TRIP6: variants seen among roughly 807,000 people sequenced by gnomAD.
The protein encoded by TRIP6 is thyroid hormone receptor interactor 6, also known as thyroid receptor-interacting protein 6.
TRIP6 carries 33 observed loss-of-function variants against 51.9 expected under a neutral mutation model. The observed-to-expected ratio is 0.64, with a 90% CI of 0.48 to 0.85. The LOEUF (loss-of-function observed/expected upper bound fraction) is 0.85, where lower values mean the gene tolerates loss of function less well. TRIP6 is among the 40% of genes least tolerant of loss of function. The probability of loss-of-function intolerance (pLI) is 0.00; values close to 1 mark genes in which losing one functional copy is unlikely to be tolerated. For synonymous variants in TRIP6, 255 were observed against 275.8 expected (o/e 0.92, Z 0.75); for missense variants, 661 against 652.1 (o/e 1.01, Z -0.15).
chr7:100,872,900 G>C (rs1815303332), intron 8 of TRIP6, 156 bp downstream of exon 8: 2 of 1,278,934 alleles, frequency 1.6e-6, no homozygotes, highest in East Asian at 5.3e-5. Flanking sequence ...GCCCAGGCTG[G>C]AGTGCAGTGG....
Position 100,868,481 on chromosome 7 carries a change from G to C in TRIP6, c.364-14G>C. The C allele has an allele frequency of 6.2e-7, 1 of 1,613,034 alleles. No homozygotes were observed. The highest frequency in any genetic ancestry group is 8.5e-7 in the Non-Finnish European group (1 of 1,180,002). On this transcript the variant is annotated splice_polypyrimidine_tract_variant and intron_variant, in intron 3 of 8. Transcript: ENST00000200457. ...GGTCCTTGCTTACGACTTCTGGCCT[G>C]CGTTTCTCCTCAGGCATATGAGCCC... is the stretch of plus-strand genomic sequence containing the variant.
At position 100,870,562 on chromosome 7, in the gene TRIP6, C is replaced by T. The variant is rs762712466; in HGVS notation, c.830-12C>T. The T allele has an allele frequency of 1.9e-5, 30 of 1,611,938 alleles. No individual in the cohort carries two copies. In the South Asian group the frequency reaches 2.4e-4, roughly 13 times the overall value. ...GTCTGTGAAGACTGATGCTGTTTCTCCCTGTCCTCAGGCCAGTGTGGTGGC... is the reference window on the plus strand; with the variant it reads ...GTCTGTGAAGACTGATGCTGTTTCTTCCTGTCCTCAGGCCAGTGTGGTGGC... On this transcript the variant is annotated splice_polypyrimidine_tract_variant and intron_variant, in intron 5 of 8. Coordinates refer to ENST00000200457, the MANE Select transcript of TRIP6 (RefSeq NM_003302.3).
Position 100,872,590 on chromosome 7 carries a change from G to T in TRIP6, c.1179-34G>T, listed in dbSNP as rs182822266. On this transcript the variant is annotated intron_variant, in intron 7 of 8. Transcript: ENST00000200457. ...ATTGTTGGTGCCCTGCAACCCCAAG[G>T]CTTGATGGCCTTCTTGGTTCTCTTC... The T allele has an allele frequency of 1.2e-5, 19 of 1,612,964 alleles. No homozygotes were observed. In the African/African-American group the frequency reaches 2.4e-4, roughly 20 times the overall value.
At position 100,871,540 on chromosome 7, in the gene TRIP6, C is replaced by T. The variant is rs1437906402; in HGVS notation, c.1000-3C>T. The T allele has an allele frequency of 1.2e-6, 2 of 1,612,160 alleles. No homozygotes were observed. The highest frequency in any genetic ancestry group is 3.3e-5 in the Admixed American group (2 of 59,978). On this transcript the variant is annotated splice_polypyrimidine_tract_variant and splice_region_variant and intron_variant, in intron 6 of 8. Coordinates refer to ENST00000200457, the MANE Select transcript of TRIP6 (RefSeq NM_003302.3). Reference sequence around the variant, plus strand: ...CAGATCTTCCTGCCTTCCTTCCCAACAGGCCACCCTGGAGAAATGTGCCAC... The same window carrying T: ...CAGATCTTCCTGCCTTCCTTCCCAATAGGCCACCCTGGAGAAATGTGCCAC...
chr7:100,870,783 A>T (rs751955583), intron 6 of TRIP6, 40 bp downstream of exon 6: 1 of 1,583,088 alleles, frequency 6.3e-7, no homozygotes. Context: ...CAGTGGCTGG[A>T]TGCAGGGGGC....
rs1424911709 is a variant in TRIP6 at position 100,867,415 on chromosome 7, A to G, written c.-83A>G. The stretch of plus-strand genomic sequence containing the variant: ...AAAAGTTTTCTTTTCTGGAGTCCCA[A>G]ACGAGGTGCGGGACGGAAGAGGGGG... On this transcript the variant is annotated 5_prime_UTR_variant, in exon 1 of 9. Transcript: ENST00000200457. The surrounding 1 kb of genome is among the most constrained non-coding windows in gnomAD (Gnocchi z 5.4). 9.4e-7 allele frequency: 1 copy of G among 1,068,606 alleles called. No homozygotes were observed. The highest frequency in any genetic ancestry group is 1.8e-5 in the South Asian group (1 of 54,188). The allele number at this position is 1,068,606 out of a possible 1,614,324, so 66.2% of individuals were successfully genotyped here. A position where few individuals can be genotyped will look rare whatever the true frequency, so the allele number is the denominator to read the frequency against.
In TRIP6 at chr7:100,873,195, T is replaced by C. The variant is rs369610600; in HGVS notation, c.1323T>C (p.Ser441=). 6 of 1,613,394 alleles carry C rather than the reference T, an allele frequency of 3.7e-6. No homozygotes were observed. Among genetic ancestry groups the C allele is most frequent in the Non-Finnish European group, 4.2e-6 (5 of 1,179,672 alleles). ...AGGAGTGTGGGCTGCTGCTCTCCTCTGAGGGCGAGTGTCAGGGCTGCTACC... is the reference window on the plus strand; with the variant it reads ...AGGAGTGTGGGCTGCTGCTCTCCTCCGAGGGCGAGTGTCAGGGCTGCTACC... ...KCEECGLLLS[S]EGECQGCYPL... The change falls in exon 9 of 9, where the codon TCT becomes TCC. Residue 441 remains serine, a synonymous_variant. Transcript: ENST00000200457.
chr7:100,872,516 A>G (rs950797360), intron 7 of TRIP6, 108 bp from the exon 8 acceptor site: 31 of 1,513,416 alleles, frequency 2.0e-5, no homozygotes, highest in African/African-American at 4.2e-5. Flanking sequence ...CTAAGGCCAT[A>G]CCTCTGGCCT....
chr7:100,871,310 C>T (rs1815263362), intron 6 of TRIP6: 7 of 587,778 alleles, frequency 1.2e-5, no homozygotes, highest in South Asian at 5.9e-5. Context: ...GCTGGCATTA[C>T]AGGCGTGAGC....
chr7:100,873,185 T>A lies in TRIP6; in HGVS notation c.1313T>A (p.Leu438Gln). 2 of 1,612,438 alleles carry A rather than the reference T, an allele frequency of 1.2e-6. No individual in the cohort carries two copies. The highest frequency in any genetic ancestry group is 1.7e-6 in the Non-Finnish European group (2 of 1,179,052). Residue 438 changes from leucine to glutamine, a missense_variant, in exon 9 of 9, where the codon CTG (leucine) becomes CAG (glutamine). Coordinates refer to ENST00000200457, the MANE Select transcript of TRIP6 (RefSeq NM_003302.3). The stretch of plus-strand genomic sequence containing the variant: ...CTTTTTCAACAGGAGTGTGGGCTGC[T>A]GCTCTCCTCTGAGGGCGAGTGTCAG... Reference protein sequence around the residue: ...GCYKCEECGLLLSSEGECQGC... With the variant: ...GCYKCEECGLQLSSEGECQGC...
At position 100,870,740 on chromosome 7, in the gene TRIP6, C is replaced by T. The variant is rs769725224; in HGVS notation, c.996C>T (p.Tyr332=). 30 of 1,610,242 alleles carry T rather than the reference C, an allele frequency of 1.9e-5. No individual in the cohort carries two copies. Among genetic ancestry groups the T allele is most frequent in the African/African-American group, 1.5e-4 (11 of 74,830 alleles). Residue 332 remains tyrosine, a synonymous_variant, in exon 6 of 9, where the codon TAC becomes TAT. Coordinates refer to ENST00000200457, the MANE Select transcript of TRIP6 (RefSeq NM_003302.3). ...GGAGGGCATATTGCGAGGGCTGCTA[C>T]GTGGTGAGTGGCTGGGGCTGGGAGG... ...VERRAYCEGC[Y]VATLEKCATC... is the part of the protein sequence containing the mutation.
At chr7:100,870,776 T>C (rs7783543) in intron 6 of TRIP6, 33 bp downstream of exon 6, 843,084 of 1,589,808 alleles carry the variant, frequency 0.53, 227,577 homozygotes, top group East Asian at 0.82. Flanking sequence ...AGGGAGTCAG[T>C]GGCTGGATGC....
chr7:100,872,302 G>T (rs150723390), intron 7 of TRIP6, among the ~76,000 whole-genome samples: 2 of 151,770 alleles, frequency 1.3e-5, no homozygotes, highest in Non-Finnish European at 2.9e-5. Context: ...CAAAGTGCAG[G>T]GATAGCAGGC....
Position 100,868,797 on chromosome 7 carries a change from G to A in TRIP6, c.666G>A (p.Gly222=), listed in dbSNP as rs1815206762. 6.6e-7 allele frequency: 1 copy of A among 1,525,366 alleles called. No homozygotes were observed. Among genetic ancestry groups the A allele is most frequent in the Admixed American group, 2.3e-5 (1 of 44,308 alleles). The allele number at this position is 1,525,366 out of a possible 1,614,324, so 94.5% of individuals were successfully genotyped here. A position where few individuals can be genotyped will look rare whatever the true frequency, so the allele number is the denominator to read the frequency against. Residue 222 remains glycine (G), a synonymous_variant, in exon 4 of 9, where the codon GGG becomes GGA. Transcript: ENST00000200457. ...GYRSQREPGP[G]AKEEAAGVSG... ...GGAGCCAGAGAGAGCCAGGGCCAGG[G>A]GCCAAAGAGGAAGCTGCTGGGGTCT...
Position 100,872,651 on chromosome 7 carries a change from C to A in TRIP6, c.1206C>A (p.Cys402Ter). ...AGTTTGCCCCAAGATGCTCAGTGTG[C>A]GGTGGGGCCATAATGCCTGAGCCAG... ...HRKFAPRCSV[C>*]GGAIMPEPGQ... The change falls in exon 8 of 9, where the codon TGC (cysteine) becomes TGA (stop). Residue 402 changes from cysteine to a stop codon, truncating the protein, a stop_gained. Transcript: ENST00000200457. LOFTEE classifies it high-confidence loss of function. 6.2e-7 allele frequency: 1 copy of A among 1,613,916 alleles called. No individual in the cohort carries two copies. Among genetic ancestry groups the A allele is most frequent in the Non-Finnish European group, 8.5e-7 (1 of 1,179,898 alleles).
chr7:100,869,684 A>T (rs1815228769), intron 4 of TRIP6, among the ~76,000 whole-genome samples: 1 of 148,052 alleles, frequency 6.8e-6, no homozygotes, highest in Non-Finnish European at 1.5e-5. Context: ...CTGGGCTGAG[A>T]TGTTCTCAGA....
Position 100,871,048 on chromosome 7 carries a change from T to A in TRIP6, c.999+305T>A, listed in dbSNP as rs1346590452. The A allele has an allele frequency of 1.1e-5, 6 of 565,574 alleles. No homozygotes were observed. In the Admixed American group the frequency reaches 1.3e-4, roughly 12 times the overall value. The allele number at this position is 565,574 out of a possible 1,614,324, so 35.0% of individuals were successfully genotyped here. On this transcript the variant is annotated intron_variant, in intron 6 of 8. Transcript: ENST00000200457. The stretch of plus-strand genomic sequence containing the variant: ...TGATTCCTGGTTTTGTTTTTTGTTT[T>A]TTTTTGAGACAGTCTCGCTCTGTTG...
At chr7:100,869,856 A>C (rs900165898) in intron 4 of TRIP6, among the ~76,000 whole-genome samples, 1 of 151,222 alleles carries the variant, frequency 6.6e-6, no homozygotes, top group Non-Finnish European at 1.5e-5. Flanking sequence ...TGATTCAAGC[A>C]CATTACATTC....
intron 4 of TRIP6, among the ~76,000 whole-genome samples, chr7:100,869,247 C>G (rs377055463): frequency 6.6e-6 from 1 of 151,686 alleles, no homozygotes; most frequent in Non-Finnish European, 1.5e-5. Flanking sequence ...CCTGAGCCAC[C>G]GCGCCTGGCC....
Sources: gnomAD v4.1 joint callset for allele counts (sites outside exome capture counted in the v4.1 genomes callset) on GRCh38, gnomAD v4.1.1 for gene constraint, Gnocchi (gnomAD v3.1) non-coding constraint, MANE v1.5 for transcripts, NCBI Gene and HGNC (gene_info 2026-07-23, HGNC 2026-07-21) for gene names.